TMEM26: variants seen among roughly 807,000 people sequenced by gnomAD.
TMEM26 encodes the protein transmembrane protein 26.
A neutral mutation model predicts 28.8 loss-of-function variants in TMEM26; 38 were observed. The ratio of observed to expected loss-of-function variants is 1.32; its 90% confidence interval spans 1.02 to 1.73. The LOEUF (loss-of-function observed/expected upper bound fraction) is 1.73. Ranked by LOEUF, TMEM26 falls within the 40% of genes most tolerant of loss-of-function variation. TMEM26 has a pLI of 0.00. For missense variants in TMEM26, 518 were observed against 447.1 expected, an observed-to-expected ratio of 1.16 and a Z score of -1.43; for synonymous variants, 227 against 182.9, an observed-to-expected ratio of 1.24 and a Z score of -1.95.
chr10:61,437,601 C>T (rs1242028524), intron 1 of TMEM26, among the ~76,000 whole-genome samples: 3 of 152,060 alleles, frequency 2.0e-5, no homozygotes, highest in East Asian at 1.9e-4. Flanking sequence ...CTAACCAACA[C>T]GGTGAAAACC....
rs114623531 is a variant in TMEM26 at position 61,452,583 on chromosome 10, G to A, written c.191+308C>T. ...CTTGTCCCAAGACTCCCCTATTTGC[G>A]GGCACATTCAGCAAAATAGACCAGC... On this transcript the variant is annotated intron_variant, in intron 1 of 5. Transcript: ENST00000399298. 440 of 314,502 alleles carry A rather than the reference G, an allele frequency of 1.4e-3. 1 individual carries two copies. Among genetic ancestry groups the A allele is most frequent in the African/African-American group, 8.5e-3 (414 of 48,504 alleles). The allele number at this position is 314,502 out of a possible 1,614,324, so 19.5% of individuals were successfully genotyped here. A position where few individuals can be genotyped will look rare whatever the true frequency, so the allele number is the denominator to read the frequency against.
intron 4 of TMEM26, among the ~76,000 whole-genome samples, chr10:61,416,641 TA>T (rs1387869745): frequency 6.6e-6 from 1 of 152,026 alleles, no homozygotes; most frequent in Non-Finnish European, 1.5e-5. Flanking sequence ...TGTCTTTGCT[TA>T]TAAAATTGGG....
At chr10:61,451,384 G>A (rs959115155) in intron 1 of TMEM26, among the ~76,000 whole-genome samples, 5 of 152,134 alleles carry the variant, frequency 3.3e-5, no homozygotes, top group Non-Finnish European at 5.9e-5. Context: ...AAACTCTGGC[G>A]GTTGGTGGCA....
rs1360450148 is a variant in TMEM26, at chr10:61,429,093, C to T, written c.438G>A (p.Leu146=). 6.2e-7 allele frequency: 1 copy of T among 1,613,228 alleles called. No individual in the cohort carries two copies. The highest frequency in any genetic ancestry group is 2.2e-5 in the East Asian group (1 of 44,848). Residue 146 remains leucine, a synonymous_variant, in exon 4 of 6, where the codon TTG becomes TTA. Coordinates refer to ENST00000399298, the MANE Select transcript of TMEM26 (RefSeq NM_178505.8). ...LSTVCEKVWT[L]GLHQTFLLML... ...TTAACAGGAATGTCTGATGGAGTCC[C>T]AATGTCCAAACTTTCTCACATACTG... is the stretch of plus-strand genomic sequence containing the variant.
chr10:61,422,904 C>T (rs1027801412), intron 4 of TMEM26, among the ~76,000 whole-genome samples: 40 of 152,034 alleles, frequency 2.6e-4, no homozygotes, highest in African/African-American at 9.4e-4. Context: ...TAAATATCAA[C>T]AAAACCAATA....
At chr10:61,448,664 T>A (rs1438332139) in intron 1 of TMEM26, among the ~76,000 whole-genome samples, 1 of 151,482 alleles carries the variant, frequency 6.6e-6, no homozygotes, top group Non-Finnish European at 1.5e-5. Flanking sequence ...TAGCATAGTA[T>A]CATATCATGC....
At position 61,408,203 on chromosome 10, in the gene TMEM26, T is replaced by C. The variant is rs187442416; in HGVS notation, c.*2119A>G. ...AAGCTGGGTCTATTTTTGCCGCTAT[T>C]AATTGCCAAGATGGTCCTGGGTGCT... On this transcript the variant is annotated 3_prime_UTR_variant, in exon 6 of 6. Transcript: ENST00000399298. 13 of 152,318 alleles carry C rather than the reference T, an allele frequency of 8.5e-5. No individual in the cohort carries two copies. In the East Asian group the frequency reaches 1.3e-3, roughly 16 times the overall value. 9.4% of individuals were successfully genotyped at this position (152,318 alleles called of 1,614,324 possible).
At chr10:61,429,526 A>G (rs930516479) in intron 3 of TMEM26, among the ~76,000 whole-genome samples, 1 of 151,480 alleles carries the variant, frequency 6.6e-6, no homozygotes, top group Admixed American at 6.6e-5. Flanking sequence ...AAAACTTCCT[A>G]TATTTTTCTT....
intron 2 of TMEM26, among the ~76,000 whole-genome samples, chr10:61,432,206 T>G (rs945292810): frequency 1.3e-5 from 2 of 152,098 alleles, no homozygotes; most frequent in African/African-American, 4.8e-5. Context: ...ATCCAATCAT[T>G]TTTAATCCTG....
At chr10:61,429,385 C>G (rs1839885416) in intron 3 of TMEM26, among the ~76,000 whole-genome samples, 3 of 152,022 alleles carry the variant, frequency 2.0e-5, no homozygotes, top group Admixed American at 2.0e-4. Context: ...GAGCCTTAAA[C>G]TTACGAGTGG....
At chr10:61,418,753 A>C (rs752528560) in intron 4 of TMEM26, among the ~76,000 whole-genome samples, 11 of 152,086 alleles carry the variant, frequency 7.2e-5, no homozygotes, top group Non-Finnish European at 1.5e-4. Context: ...TAATGAACTA[A>C]CTTTAAATTT....
At chr10:61,452,453 G>A (rs1328684222) in intron 1 of TMEM26, among the ~76,000 whole-genome samples, 3 of 152,214 alleles carry the variant, frequency 2.0e-5, no homozygotes, top group African/African-American at 7.2e-5. Flanking sequence ...TCTTGCGAAG[G>A]TCGCTGATGC....
intron 1 of TMEM26, among the ~76,000 whole-genome samples, chr10:61,446,630 C>A (rs965644614): frequency 6.6e-6 from 1 of 151,586 alleles, no homozygotes; most frequent in Non-Finnish European, 1.5e-5. Flanking sequence ...ACCATCCTGG[C>A]CAACATGGTG....
intron 1 of TMEM26, among the ~76,000 whole-genome samples, chr10:61,439,793 C>T (rs1840062826): frequency 1.3e-5 from 2 of 152,182 alleles, no homozygotes; most frequent in Admixed American, 1.3e-4. Flanking sequence ...AATGTACTTG[C>T]TGCTTTGCCT....
intron 4 of TMEM26, among the ~76,000 whole-genome samples, chr10:61,417,792 G>A (rs1319199085): frequency 6.6e-6 from 1 of 152,002 alleles, no homozygotes; most frequent in Non-Finnish European, 1.5e-5. Flanking sequence ...GGAACTCTCC[G>A]TGGCAATGAT....
At chr10:61,440,589 C>T (rs930928750) in intron 1 of TMEM26, among the ~76,000 whole-genome samples, 2 of 150,916 alleles carry the variant, frequency 1.3e-5, no homozygotes, top group African/African-American at 4.9e-5. Context: ...TTTAGAAATA[C>T]CCCCTCTCTC....
rs1839506684 is a variant in TMEM26, at chr10:61,407,097, A to G, written c.*3225T>C. On this transcript the variant is annotated 3_prime_UTR_variant, in exon 6 of 6. Coordinates refer to ENST00000399298, the MANE Select transcript of TMEM26 (RefSeq NM_178505.8). ...GGGCTAAAGTGGACAGATGCCTGGCATTTGCAATTCTTTCTCTCCTGTAAC... is the reference window on the plus strand; with the variant it reads ...GGGCTAAAGTGGACAGATGCCTGGCGTTTGCAATTCTTTCTCTCCTGTAAC... 6.6e-6 allele frequency: 1 copy of G among 152,134 alleles called. No individual in the cohort carries two copies. Among genetic ancestry groups the G allele is most frequent in the Non-Finnish European group, 1.5e-5 (1 of 67,992 alleles). 9.4% of individuals were successfully genotyped at this position (152,134 alleles called of 1,614,324 possible). A position where few individuals can be genotyped will look rare whatever the true frequency, so the allele number is the denominator to read the frequency against.
intron 4 of TMEM26, chr10:61,413,775 G>A: frequency 5.2e-6 from 6 of 1,161,072 alleles, no homozygotes; most frequent in African/African-American, 1.6e-5. Context: ...AAAGCCTCTT[G>A]GTCCCATATT....
At chr10:61,412,929 G>A in intron 5 of TMEM26, 1 of 1,294,726 alleles carries the variant, frequency 7.7e-7, no homozygotes, top group South Asian at 1.3e-5. Flanking sequence ...AAGACCAGTA[G>A]GATTCCAAGG....
Sources: gnomAD v4.1 joint callset for allele counts (sites outside exome capture counted in the v4.1 genomes callset) on GRCh38, gnomAD v4.1.1 for gene constraint, MANE v1.5 for transcripts, NCBI Gene and HGNC (gene_info 2026-07-23, HGNC 2026-07-21) for gene names.